The following HEPH variants were observed in gnomAD, a reference collection of about 807,000 sequenced individuals.
HEPH encodes hephaestin.
HEPH carries 69 observed loss-of-function variants against 80.8 expected under a neutral mutation model. That is an observed-to-expected ratio of 0.85 (90% CI 0.70 to 1.04). The LOEUF is 1.04. Among genes scored for constraint, HEPH ranks in the 50% least tolerant of loss-of-function variants. HEPH has a pLI of 0.00. For missense variants in HEPH, 1,115 were observed against 891.3 expected (o/e 1.25, Z -3.20); for synonymous variants, 431 against 322.8 (o/e 1.34, Z -3.60).
chrX:66,239,185 G>A (rs745521906), intron 15 of HEPH, among the ~76,000 whole-genome samples: 2 of 112,070 alleles, frequency 1.8e-5, no homozygotes, highest in African/African-American at 6.5e-5. Context: ...TGGTTGAAGG[G>A]TCTCTTTCTG....
At chrX:66,268,852 T>C (rs757639117), downstream of HEPH, 54 of 111,972 alleles carry the variant, frequency 4.8e-4, no homozygotes, top group African/African-American at 1.5e-3. Context: ...CTGGAAATTA[T>C]CAGTGTCAAC....
At position 66,203,365 on chromosome X, in the gene HEPH, G is replaced by A. The variant is rs2088574983; in HGVS notation, c.2079G>A (p.Gly693=). The A allele has an allele frequency of 1.7e-6, 2 of 1,208,447 alleles. No individual in the cohort carries two copies. Among genetic ancestry groups the A allele is most frequent in the South Asian group, 3.5e-5 (2 of 56,714 alleles). Residue 693 remains glycine (G), a splice_region_variant and synonymous_variant, in exon 13 of 21, where the codon GGG becomes GGA. Coordinates refer to ENST00000343002, the MANE Select transcript of HEPH (RefSeq NM_001367233.3). ...VMAIMQPDNL[G]TFEIYCQAGS... ...TTTTTCTCTCTGATCCTCCCTCAGG[G>A]ACATTTGAGATTTATTGCCAGGCAG...
rs73215265 is a variant in HEPH, at chrX:66,202,667, T to C, written c.2078-697T>C. Reference sequence around the variant, plus strand: ...TACCTAACTATTGAAGTCTACTTTATTTCTTTGGTACTTGATAGGAGACAA... The same window carrying C: ...TACCTAACTATTGAAGTCTACTTTACTTCTTTGGTACTTGATAGGAGACAA... On this transcript the variant is annotated intron_variant, in intron 12 of 20. Coordinates refer to ENST00000343002, the MANE Select transcript of HEPH (RefSeq NM_001367233.3). 7.1e-3 allele frequency among the ~76,000 whole-genome samples: 779 copies of C among 110,475 alleles called. 17 individuals carry two copies. The highest frequency in any genetic ancestry group is 8.1e-3 in the Non-Finnish European group (428 of 52,927).
chrX:66,232,114 C>T (rs1287272098), intron 15 of HEPH, among the ~76,000 whole-genome samples: 1 of 109,877 alleles, frequency 9.1e-6, no homozygotes, highest in East Asian at 2.8e-4. Context: ...AGCCTTGCAT[C>T]CCAGGGATGA....
At chrX:66,220,657 C>T (rs1369137969) in intron 15 of HEPH, among the ~76,000 whole-genome samples, 1 of 112,199 alleles carries the variant, frequency 8.9e-6, no homozygotes, top group African/African-American at 3.2e-5. Flanking sequence ...AAAAGAACCA[C>T]ATCTTATTCC....
In HEPH at chrX:66,179,688, T is replaced by C. The variant is rs984116210; in HGVS notation, c.625+5887T>C. On this transcript the variant is annotated intron_variant, in intron 4 of 20. Transcript: ENST00000343002. ...AAGTCTCCCACTATTATTGTGTTTC[T>C]CCCACTATTATTGTGTTTCTATCTA... Among the ~76,000 whole-genome samples the C allele has an allele frequency of 2.7e-5, 3 of 111,655 alleles. No homozygotes were observed. In the Admixed American group the frequency reaches 2.9e-4, roughly 11 times the overall value.
At chrX:66,222,560 T>G (rs966691860) in intron 15 of HEPH, among the ~76,000 whole-genome samples, 1 of 112,220 alleles carries the variant, frequency 8.9e-6, no homozygotes, top group Non-Finnish European at 1.9e-5. Flanking sequence ...TGTATGATTT[T>G]GGGAAATTAA....
intron 10 of HEPH, among the ~76,000 whole-genome samples, chrX:66,198,114 CATG>C (rs1205679010): frequency 9.0e-6 from 1 of 111,230 alleles, no homozygotes; most frequent in Admixed American, 9.5e-5. Context: ...GCAGATAATT[CATG>C]ATATCCTTTC....
chrX:66,188,758 G>T (rs112534202), intron 5 of HEPH, among the ~76,000 whole-genome samples: 3 of 112,364 alleles, frequency 2.7e-5, no homozygotes, highest in African/African-American at 9.7e-5. Flanking sequence ...TCCAACCTTG[G>T]TCTCTCTGAC....
rs1185884760 is a variant in HEPH at position 66,258,907 on chromosome X, G to T, written c.2964G>T (p.Trp988Cys). ...TGTACCAAGGAGAACGAGTGGCCTG[G>T]TACATGCTGGCCATGGGCCAAGATG... ...LTMYQGERVA[W>C]YMLAMGQDVD... Residue 988 changes from tryptophan (W) to cysteine (C), a missense_variant, in exon 18 of 21, where the codon TGG (tryptophan) becomes TGT (cysteine). Trp to Cys is a radical substitution (Grantham distance 215, BLOSUM62 -2). Coordinates refer to ENST00000343002, the MANE Select transcript of HEPH (RefSeq NM_001367233.3). The T allele has an allele frequency of 8.4e-7, 1 of 1,197,527 alleles. No homozygotes were observed.
chrX:66,228,140 C>T (rs1346449901), intron 15 of HEPH, among the ~76,000 whole-genome samples: 1 of 111,485 alleles, frequency 9.0e-6, no homozygotes, highest in African/African-American at 3.3e-5. Flanking sequence ...AGTCACATCC[C>T]ACATGGCAGC....
At chrX:66,260,046 A>C (rs1242204356) in intron 18 of HEPH, 54 bp from the exon 19 acceptor site, 9 of 1,125,337 alleles carry the variant, frequency 8.0e-6, no homozygotes, top group Non-Finnish European at 9.7e-6. Flanking sequence ...GAAAGCTCTA[A>C]GATGATTTTT....
In HEPH at chrX:66,173,753, C is replaced by A; in HGVS notation, c.577C>A (p.Arg193=). The A allele has an allele frequency of 8.3e-7, 1 of 1,202,553 alleles. No homozygotes were observed. Among genetic ancestry groups the A allele is most frequent in the Admixed American group, 2.2e-5 (1 of 44,938 alleles). The change falls in exon 4 of 21, where the codon CGA becomes AGA. Residue 193 remains arginine, a synonymous_variant. Coordinates refer to ENST00000343002, the MANE Select transcript of HEPH (RefSeq NM_001367233.3). ...WIYHSHVDAP[R]DIATGLIGPL... The stretch of plus-strand genomic sequence containing the variant: ...CTACCATTCTCATGTAGATGCTCCA[C>A]GAGACATTGCAACTGGCCTAATTGG...
chrX:66,237,100 G>T (rs1017763287), intron 15 of HEPH, among the ~76,000 whole-genome samples: 6 of 108,305 alleles, frequency 5.5e-5, no homozygotes, highest in Middle Eastern at 4.8e-3. Flanking sequence ...ATTTTTTTTT[G>T]TGTGTGTTTG....
At chrX:66,216,072 AGAGTCT>A (rs1336043294) in intron 15 of HEPH, among the ~76,000 whole-genome samples, 1 of 111,674 alleles carries the variant, frequency 9.0e-6, no homozygotes, top group Non-Finnish European at 1.9e-5. Context: ...CTGCCCAAGG[AGAGTCT>A]GAGTTCAGGC....
intron 15 of HEPH, among the ~76,000 whole-genome samples, chrX:66,221,477 A>T (rs936444163): frequency 8.0e-5 from 9 of 112,410 alleles, no homozygotes; most frequent in South Asian, 3.7e-4. Context: ...TTATATTCAG[A>T]TTTTGCCCAA....
intron 15 of HEPH, among the ~76,000 whole-genome samples, chrX:66,229,852 G>T (rs1355019779): frequency 8.3e-5 from 9 of 108,695 alleles, no homozygotes; most frequent in Non-Finnish European, 1.5e-4. Flanking sequence ...ATATACATGT[G>T]CCATGCTGGT....
At chrX:66,174,686 A>AT (rs920458435) in intron 4 of HEPH, among the ~76,000 whole-genome samples, 14 of 109,822 alleles carry the variant, frequency 1.3e-4, no homozygotes, top group East Asian at 5.7e-4. Flanking sequence ...CTGTTTTTTG[A>AT]TTTTTTTTTG....
intron 15 of HEPH, among the ~76,000 whole-genome samples, chrX:66,245,324 G>A (rs142514030): frequency 0.082 from 9,068 of 110,930 alleles, 893 homozygotes; most frequent in African/African-American, 0.28. Flanking sequence ...GGCAGGGGTT[G>A]CAATCCTAGT....
Sources: gnomAD v4.1 joint callset for allele counts (sites outside exome capture counted in the v4.1 genomes callset) on GRCh38, gnomAD v4.1.1 for gene constraint, MANE v1.5 for transcripts, NCBI Gene and HGNC (gene_info 2026-07-23, HGNC 2026-07-21) for gene names.